Variants in NEDD9 observed in about 807,000 individuals in gnomAD.
The protein encoded by NEDD9 is enhancer of filamentation 1.
A neutral mutation model predicts 76.6 loss-of-function variants in NEDD9; 26 were observed. That is an observed-to-expected ratio of 0.34 (90% CI 0.25 to 0.47). NEDD9 has a LOEUF of 0.47. NEDD9 is among the 20% of genes least tolerant of loss of function. The pLI, the probability that NEDD9 is intolerant of heterozygous loss-of-function variation, is 1.00. For synonymous variants in NEDD9, 392 were observed against 414.2 expected, an observed-to-expected ratio of 0.95 and a Z score of 0.65; for missense variants, 937 against 1,058.5, an observed-to-expected ratio of 0.89 and a Z score of 1.59.
intron 1 of NEDD9, among the ~76,000 whole-genome samples, chr6:11,224,799 AAG>A (rs962750216): frequency 4.6e-5 from 7 of 152,114 alleles, no homozygotes; most frequent in Non-Finnish European, 1.0e-4. Context: ...CTCATTCTTA[AAG>A]AGTCCTCTAG....
At chr6:11,189,857 A>T (rs969160223) in intron 5 of NEDD9, 107 bp downstream of exon 5, 11 of 1,345,488 alleles carry the variant, frequency 8.2e-6, no homozygotes, top group Admixed American at 2.5e-5. Context: ...ATTAACATTA[A>T]TTATGTTCTC....
chr6:11,205,782 C>G (rs369674561), intron 2 of NEDD9, among the ~76,000 whole-genome samples: 4 of 152,170 alleles, frequency 2.6e-5, no homozygotes, highest in African/African-American at 9.7e-5. Context: ...CATGCACCAC[C>G]ATGCCTGGCT....
intron 1 of NEDD9, among the ~76,000 whole-genome samples, chr6:11,230,685 G>A (rs1006207869): frequency 6.6e-6 from 1 of 152,206 alleles, no homozygotes; most frequent in Admixed American, 6.5e-5. Flanking sequence ...GGTCGGAGAA[G>A]TTAGCTTTTT....
intron 1 of NEDD9, among the ~76,000 whole-genome samples, chr6:11,354,717 C>T (rs1464954230): frequency 6.6e-6 from 1 of 152,100 alleles, no homozygotes; most frequent in Non-Finnish European, 1.5e-5. Context: ...GACCCTGGTG[C>T]CAGGGGTGGG....
chr6:11,239,015 A>G (rs1341085510), intron 3 of NEDD9, among the ~76,000 whole-genome samples: 1 of 152,080 alleles, frequency 6.6e-6, no homozygotes. Flanking sequence ...AAATTAAAAA[A>G]AATTAACCAG....
At chr6:11,263,715 T>G (rs530926110) in intron 3 of NEDD9, among the ~76,000 whole-genome samples, 1 of 152,320 alleles carries the variant, frequency 6.6e-6, no homozygotes, top group South Asian at 2.1e-4. Context: ...AGGTCACATG[T>G]GCATAGGTGC....
intron 2 of NEDD9, among the ~76,000 whole-genome samples, chr6:11,331,238 G>A (rs763192920): frequency 6.6e-6 from 1 of 152,114 alleles, no homozygotes; most frequent in Non-Finnish European, 1.5e-5. Context: ...GGGAACTGCG[G>A]TATAAGAATT....
At chr6:11,233,447 C>T (rs766035197), upstream of NEDD9, 3 of 518,752 alleles carry the variant, frequency 5.8e-6, no homozygotes, top group Non-Finnish European at 1.2e-5. Context: ...CAGTGCACGC[C>T]CTATACATCA....
At chr6:11,287,911 A>C (rs1263118080) in intron 3 of NEDD9, among the ~76,000 whole-genome samples, 1 of 152,222 alleles carries the variant, frequency 6.6e-6, no homozygotes, top group Non-Finnish European at 1.5e-5. Context: ...GTAGGGTGGG[A>C]TAAAACCTGG....
At chr6:11,363,157 T>C (rs1356250492) in intron 1 of NEDD9, among the ~76,000 whole-genome samples, 1 of 152,232 alleles carries the variant, frequency 6.6e-6, no homozygotes, top group Admixed American at 6.5e-5. Context: ...CTACTACAGT[T>C]GCTTAGCATT....
chr6:11,371,418 C>T (rs1405847669), intron 1 of NEDD9, among the ~76,000 whole-genome samples: 4 of 152,200 alleles, frequency 2.6e-5, no homozygotes, highest in Non-Finnish European at 5.9e-5. Flanking sequence ...TCTTCCATGC[C>T]TCACCTATTC....
chr6:11,322,776 C>A (rs1001111420), intron 2 of NEDD9, among the ~76,000 whole-genome samples: 32 of 152,326 alleles, frequency 2.1e-4, no homozygotes, highest in African/African-American at 7.2e-4. Flanking sequence ...CTGCTCTAAA[C>A]CTGCCTACCA....
chr6:11,191,848 A>C (rs1353663495), intron 4 of NEDD9, among the ~76,000 whole-genome samples: 3 of 152,134 alleles, frequency 2.0e-5, no homozygotes, highest in African/African-American at 7.2e-5. Flanking sequence ...CTCTACAAAA[A>C]ATAAAATTTA....
intron 3 of NEDD9, among the ~76,000 whole-genome samples, chr6:11,250,574 C>T (rs115552362): frequency 1.7e-3 from 254 of 152,236 alleles, no homozygotes; most frequent in African/African-American, 5.6e-3. Context: ...GTCCCTTTGC[C>T]GGCATACCAT....
intron 1 of NEDD9, among the ~76,000 whole-genome samples, chr6:11,217,061 G>A (rs1317655905): frequency 2.6e-5 from 4 of 152,192 alleles, no homozygotes; most frequent in Non-Finnish European, 5.9e-5. Flanking sequence ...ATGGATAAAT[G>A]TCATCAGATT....
chr6:11,283,079 C>T lies in NEDD9; in HGVS notation c.12+22913G>A, dbSNP rs116959495. Among the ~76,000 whole-genome samples the T allele has an allele frequency of 5.9e-5, 9 of 152,322 alleles. No homozygotes were observed. The East Asian group carries it at 1.5e-3, about 26-fold the overall frequency. ...TTATGACCTTGGCATTTGCCAGTCC[C>T]GTACCTGGAATGTTCTACTAGCTGC... On this transcript the variant is annotated intron_variant, in intron 3 of 3. Transcript: ENST00000397378.
In NEDD9 at chr6:11,198,790, T is replaced by A. The variant is rs1189074286; in HGVS notation, c.460-5098A>T. ...GGCTATTAAGCAAGATGGCGTGAGG[T>A]CTGCCACTACAGAATAAGCTTGGTT... is the stretch of plus-strand genomic sequence containing the variant. On this transcript the variant is annotated intron_variant, in intron 2 of 6. Transcript: ENST00000379446. The surrounding 1 kb of genome is among the most constrained non-coding windows in gnomAD (Gnocchi z 4.7). The A allele has an allele frequency of 1.3e-5, 2 of 152,210 alleles. No individual in the cohort carries two copies. The highest frequency in any genetic ancestry group is 4.8e-5 in the African/African-American group (2 of 41,432). The allele number at this position is 152,210 out of a possible 1,614,324, so 9.4% of individuals were successfully genotyped here. A position where few individuals can be genotyped will look rare whatever the true frequency, so the allele number is the denominator to read the frequency against.
intron 1 of NEDD9, among the ~76,000 whole-genome samples, chr6:11,377,138 G>A (rs1762980724): frequency 6.6e-6 from 1 of 152,248 alleles, no homozygotes; most frequent in African/African-American, 2.4e-5. Context: ...CTACTGCAGA[G>A]GCAGAGGCCC....
chr6:11,271,387 C>G (rs1210239332), intron 3 of NEDD9: 1 of 152,278 alleles, frequency 6.6e-6, no homozygotes, highest in Admixed American at 6.5e-5. Flanking sequence ...TTTGGCAGAA[C>G]AGAAAGGTCT....
Sources: gnomAD v4.1 joint callset for allele counts (sites outside exome capture counted in the v4.1 genomes callset) on GRCh38, gnomAD v4.1.1 for gene constraint, Gnocchi (gnomAD v3.1) non-coding constraint, MANE v1.5 for transcripts, NCBI Gene and HGNC (gene_info 2026-07-23, HGNC 2026-07-21) for gene names.